Variants in GXYLT2 observed in about 807,000 individuals in gnomAD.
GXYLT2 encodes the protein glucoside xylosyltransferase 2.
A neutral mutation model predicts 45.8 loss-of-function variants in GXYLT2; 53 were observed. That is an observed-to-expected ratio of 1.16 (90% CI 0.93 to 1.46). The LOEUF (loss-of-function observed/expected upper bound fraction) is 1.46, where lower values mean the gene tolerates loss of function less well. Ranked by LOEUF, GXYLT2 falls within the 40% of genes most tolerant of loss-of-function variation. The pLI, the probability that GXYLT2 is intolerant of heterozygous loss-of-function variation, is 0.00. For synonymous variants in GXYLT2, 219 were observed against 214.2 expected, an observed-to-expected ratio of 1.02 and a Z score of -0.19; for missense variants, 551 against 544.4, an observed-to-expected ratio of 1.01 and a Z score of -0.12.
chr3:72,941,664 T>C (rs574242917), intron 3 of GXYLT2, among the ~76,000 whole-genome samples: 3 of 152,148 alleles, frequency 2.0e-5, no homozygotes, highest in East Asian at 1.9e-4. Flanking sequence ...CACACACACA[T>C]ACACACATGC....
chr3:72,960,410 C>T (rs1472350139), intron 5 of GXYLT2, among the ~76,000 whole-genome samples: 3 of 152,188 alleles, frequency 2.0e-5, no homozygotes, highest in Admixed American at 6.5e-5. Flanking sequence ...CGAAGGCAGT[C>T]GTAAGCAGCT....
intron 2 of GXYLT2, among the ~76,000 whole-genome samples, chr3:72,912,560 A>C (rs1709653268): frequency 6.6e-6 from 1 of 152,216 alleles, no homozygotes; most frequent in Non-Finnish European, 1.5e-5. Context: ...ATACACAAAC[A>C]TATATGTATG....
chr3:72,917,861 A>T (rs1421643311), intron 2 of GXYLT2, among the ~76,000 whole-genome samples: 1 of 152,132 alleles, frequency 6.6e-6, no homozygotes, highest in Non-Finnish European at 1.5e-5. Flanking sequence ...CATTACACTA[A>T]TGCTCAGGGA....
intron 5 of GXYLT2, among the ~76,000 whole-genome samples, chr3:72,965,585 T>C (rs532376156): frequency 3.3e-5 from 5 of 152,316 alleles, no homozygotes; most frequent in African/African-American, 1.2e-4. Flanking sequence ...TTATTGCTAA[T>C]TGTATAATTC....
At chr3:72,892,121 A>G (rs533065518) in intron 1 of GXYLT2, among the ~76,000 whole-genome samples, 9 of 152,336 alleles carry the variant, frequency 5.9e-5, no homozygotes, top group Middle Eastern at 3.4e-3. Context: ...TATTTTCTTC[A>G]TCTGTGAAAT....
chr3:72,918,656 C>T (rs1709778817), intron 2 of GXYLT2, among the ~76,000 whole-genome samples: 1 of 152,020 alleles, frequency 6.6e-6, no homozygotes, highest in South Asian at 2.1e-4. Flanking sequence ...GAAACCCCAT[C>T]TCTACTGAAA....
chr3:72,974,522 A>C (rs1390664810), intron 6 of GXYLT2, among the ~76,000 whole-genome samples: 3 of 152,250 alleles, frequency 2.0e-5, no homozygotes, highest in Admixed American at 2.0e-4. Flanking sequence ...CAGCGTAAAC[A>C]TGCTATGATA....
At chr3:72,897,905 G>GT (rs34326661) in intron 1 of GXYLT2, among the ~76,000 whole-genome samples, 39,895 of 152,050 alleles carry the variant, frequency 0.26, 6,026 homozygotes, top group Non-Finnish European at 0.34. Flanking sequence ...AACCTCTCTA[G>GT]TTTTTTGTAA....
intron 3 of GXYLT2, among the ~76,000 whole-genome samples, chr3:72,926,285 A>G (rs975089659): frequency 6.6e-6 from 1 of 152,206 alleles, no homozygotes; most frequent in African/African-American, 2.4e-5. Flanking sequence ...AGGTACAATT[A>G]GTGTGATTCA....
At chr3:72,955,904 C>G (rs755714345) in intron 4 of GXYLT2, among the ~76,000 whole-genome samples, 1 of 152,122 alleles carries the variant, frequency 6.6e-6, no homozygotes, top group Non-Finnish European at 1.5e-5. Flanking sequence ...ATGGCGAAAC[C>G]CTGTCTCTAT....
chr3:72,929,706 C>A, intron 3 of GXYLT2: 15 of 586,514 alleles, frequency 2.6e-5, no homozygotes, highest in Admixed American at 5.8e-5. Context: ...CCACAACATC[C>A]AGAAAAAAGA....
At chr3:72,969,267 G>GC (rs11372441) in intron 6 of GXYLT2, among the ~76,000 whole-genome samples, 100,836 of 151,498 alleles carry the variant, frequency 0.67, 33,967 homozygotes, top group Admixed American at 0.75. Flanking sequence ...CAAGCCTCAT[G>GC]CTGTAATCTG....
intron 1 of GXYLT2, among the ~76,000 whole-genome samples, chr3:72,890,791 AG>A (rs1477304012): frequency 1.3e-5 from 2 of 152,220 alleles, no homozygotes; most frequent in Non-Finnish European, 1.5e-5. Flanking sequence ...CAGGAGTAAC[AG>A]TACCCTTGAA....
intron 3 of GXYLT2, among the ~76,000 whole-genome samples, chr3:72,939,248 A>G (rs757163282): frequency 1.3e-5 from 2 of 152,194 alleles, no homozygotes; most frequent in Non-Finnish European, 2.9e-5. Context: ...AAAGATCATG[A>G]CCAGCCTGGC....
At chr3:72,895,788 C>T (rs1709278992) in intron 1 of GXYLT2, among the ~76,000 whole-genome samples, 1 of 152,098 alleles carries the variant, frequency 6.6e-6, no homozygotes, top group Non-Finnish European at 1.5e-5. Context: ...GACATGATAC[C>T]TTCATTGGGA....
chr3:72,912,198 C>G (rs1275301153), intron 2 of GXYLT2, among the ~76,000 whole-genome samples: 2 of 151,732 alleles, frequency 1.3e-5, no homozygotes, highest in Non-Finnish European at 2.9e-5. Flanking sequence ...TTAGTAGAGA[C>G]AGGGTTTCGT....
intron 3 of GXYLT2, among the ~76,000 whole-genome samples, chr3:72,948,634 C>T (rs1016507405): frequency 6.6e-6 from 1 of 151,894 alleles, no homozygotes; most frequent in Non-Finnish European, 1.5e-5. Context: ...GTCATGAGAT[C>T]GAGACCATCC....
intron 3 of GXYLT2, among the ~76,000 whole-genome samples, chr3:72,949,496 C>CTCTTTCTTTTTTTT (rs1338029455): frequency 9.3e-6 from 1 of 108,108 alleles, no homozygotes. Flanking sequence ...TTCTTTCTTT[C>CTCTTTCTTTTTTTT]TTTTTCTTTT....
intron 2 of GXYLT2, among the ~76,000 whole-genome samples, chr3:72,915,354 T>TTTTTGG (rs71126805): frequency 9.0e-5 from 3 of 33,482 alleles, no homozygotes; most frequent in African/African-American, 4.9e-4. Flanking sequence ...TTTTTTTTTT[T>TTTTTGG]GCGGGGGGGG....
Sources: allele counts gnomAD v4.1 joint callset (sites outside exome capture counted in the v4.1 genomes callset), GRCh38; gene constraint gnomAD v4.1.1; transcripts MANE v1.5; gene names NCBI Gene and HGNC (gene_info 2026-07-23, HGNC 2026-07-21).